Variants in CPAP observed in about 807,000 individuals in gnomAD.
CPAP encodes the protein centrosomal P4.1-associated protein.
At chr13:24,930,992 T>G in the CPAP span, among the ~76,000 whole-genome samples, 1 of 152,204 alleles carries the variant, frequency 6.6e-6, no homozygotes, top group Non-Finnish European at 1.5e-5. Flanking sequence ...CTTGACTTTT[T>G]AATAATAACT....
chr13:24,925,879 A>C, the CPAP span: 1 of 152,686 alleles, frequency 6.5e-6, no homozygotes, highest in Non-Finnish European at 1.5e-5. Context: ...GATCATCCAC[A>C]TGCGTGACCC....
the CPAP span, among the ~76,000 whole-genome samples, chr13:24,904,888 A>C: frequency 6.6e-6 from 1 of 152,232 alleles, no homozygotes; most frequent in Non-Finnish European, 1.5e-5. Flanking sequence ...AATACTACAC[A>C]TCCGTTAAAT....
the CPAP span, chr13:24,882,403 T>TATTA: frequency 3.9e-5 from 6 of 152,190 alleles, no homozygotes; most frequent in South Asian, 1.0e-3. Flanking sequence ...TGTAATTATT[T>TATTA]ATTATATAAA....
At chr13:24,883,651 C>A in the CPAP span, among the ~76,000 whole-genome samples, 4 of 152,068 alleles carry the variant, frequency 2.6e-5, no homozygotes, top group African/African-American at 7.3e-5. Context: ...TAAAAGGGAC[C>A]CTTCTTTCAC....
At chr13:24,884,537 CCTA>C in the CPAP span, 4 of 1,460,260 alleles carry the variant, frequency 2.7e-6, no homozygotes, top group African/African-American at 4.2e-5. Flanking sequence ...CTCCCAACTG[CCTA>C]CTTTGAAATT....
chr13:24,897,831 T>C, the CPAP span, among the ~76,000 whole-genome samples: 1 of 152,170 alleles, frequency 6.6e-6, no homozygotes. Context: ...AATCTGAATA[T>C]GGACTAAGTA....
At chr13:24,923,902 C>T in the CPAP span, among the ~76,000 whole-genome samples, 1 of 152,158 alleles carries the variant, frequency 6.6e-6, no homozygotes, top group African/African-American at 2.4e-5. Context: ...GATCTCCGCT[C>T]ACTGCAAGCT....
chr13:24,883,502 A>T, the CPAP span: 1 of 662,056 alleles, frequency 1.5e-6, no homozygotes, highest in Non-Finnish European at 2.5e-6. Flanking sequence ...TCCCTATACA[A>T]TTGTAACTTT....
the CPAP span, among the ~76,000 whole-genome samples, chr13:24,915,859 G>C: frequency 6.6e-6 from 1 of 152,166 alleles, no homozygotes; most frequent in Non-Finnish European, 1.5e-5. Context: ...TAGCGTCCTT[G>C]AGGCTAAGTG....
chr13:24,889,896 C>T, the CPAP span, among the ~76,000 whole-genome samples: 1 of 152,132 alleles, frequency 6.6e-6, no homozygotes, highest in African/African-American at 2.4e-5. Context: ...CCCCAGCCCC[C>T]GCCATGTCCG....
chr13:24,932,906 G>GAT, the CPAP span: 3 of 742,898 alleles, frequency 4.0e-6, no homozygotes, highest in South Asian at 5.0e-5. Flanking sequence ...TGTTTCTTAA[G>GAT]GTAATGCCTA....
At chr13:24,882,493 G>GT in the CPAP span, 52,271 of 151,826 alleles carry the variant, frequency 0.34, 9,692 homozygotes, top group Admixed American at 0.43. Flanking sequence ...TCTCACTGTG[G>GT]TAACATCAGG....
the CPAP span, among the ~76,000 whole-genome samples, chr13:24,933,916 G>A: frequency 1.3e-5 from 2 of 151,936 alleles, no homozygotes; most frequent in South Asian, 4.1e-4. Flanking sequence ...GTAGAGACAG[G>A]ATTTTTGCCA....
the CPAP span, chr13:24,907,973 A>G: frequency 7.9e-7 from 1 of 1,271,656 alleles, no homozygotes; most frequent in African/African-American, 1.5e-5. Context: ...AAGGCTAGCT[A>G]TTGTACTAAA....
chr13:24,913,051 T>C, the CPAP span: 1 of 1,596,246 alleles, frequency 6.3e-7, no homozygotes, highest in Non-Finnish European at 8.6e-7. Context: ...CTATTATATT[T>C]AAACAATGCA....
the CPAP span, among the ~76,000 whole-genome samples, chr13:24,922,463 G>A: frequency 6.6e-6 from 1 of 152,240 alleles, no homozygotes; most frequent in Non-Finnish European, 1.5e-5. Flanking sequence ...GACTGCGGCT[G>A]CCGCGCTGCC....
At chr13:24,893,027 C>T in the CPAP span, among the ~76,000 whole-genome samples, 7 of 152,190 alleles carry the variant, frequency 4.6e-5, no homozygotes, top group South Asian at 1.0e-3. Context: ...TTTTCAGCGG[C>T]GGGAGGAGGG....
At chr13:24,920,929 T>C in the CPAP span, among the ~76,000 whole-genome samples, 119 of 152,160 alleles carry the variant, frequency 7.8e-4, 1 homozygote, top group African/African-American at 2.8e-3. Context: ...ACCTGGCCCA[T>C]GTTTCCATGT....
At chr13:24,930,420 C>A in the CPAP span, among the ~76,000 whole-genome samples, 2 of 152,130 alleles carry the variant, frequency 1.3e-5, no homozygotes, top group Non-Finnish European at 2.9e-5. Flanking sequence ...CACCCAGATA[C>A]TGAGCATTGT....
Sources: gnomAD v4.1 joint callset for allele counts (sites outside exome capture counted in the v4.1 genomes callset) on GRCh38, gnomAD v4.1.1 for gene constraint, MANE v1.5 for transcripts, NCBI Gene and HGNC (gene_info 2026-07-23, HGNC 2026-07-21) for gene names.